The following RASD2 variants were observed in gnomAD, a reference collection of about 807,000 sequenced individuals.
The protein encoded by RASD2 is RASD family member 2.
In RASD2, 7 loss-of-function variants were observed where a neutral mutation model predicts 15.8. The ratio of observed to expected loss-of-function variants is 0.44; its 90% CI spans 0.25 to 0.83. RASD2 has a LOEUF of 0.83. RASD2 is among the 40% of genes least tolerant of loss of function. RASD2 has a pLI of 0.20. For missense variants in RASD2, 274 were observed against 382.8 expected (o/e 0.72, Z 2.37); for synonymous variants, 155 against 153.6 (o/e 1.01, Z -0.07).
chr22:35,543,388 C>A (rs1934403263), intron 1 of RASD2, among the ~76,000 whole-genome samples: 1 of 152,168 alleles, frequency 6.6e-6, no homozygotes, highest in Non-Finnish European at 1.5e-5. Flanking sequence ...TGATTCCCTG[C>A]CTCCTCTCTC....
intron 1 of RASD2, among the ~76,000 whole-genome samples, chr22:35,546,262 G>T (rs903036879): frequency 6.6e-6 from 1 of 152,120 alleles, no homozygotes; most frequent in African/African-American, 2.4e-5. Flanking sequence ...TCCCAGGAGG[G>T]CTGAATGGCC....
At chr22:35,533,124 C>T in the RASD2 span, among the ~76,000 whole-genome samples, 1 of 152,178 alleles carries the variant, frequency 6.6e-6, no homozygotes, top group Non-Finnish European at 1.5e-5. Context: ...GAGAACAGGG[C>T]CTGCCTCTCC....
chr22:35,552,397 GA>G lies in RASD2; in HGVS notation c.*369del. The G allele has an allele frequency of 4.1e-6, 1 of 241,214 alleles. No individual in the cohort carries two copies. Among genetic ancestry groups the G allele is most frequent in the Non-Finnish European group, 8.1e-6 (1 of 124,028 alleles). 14.9% of individuals were successfully genotyped at this position (241,214 alleles called of 1,614,324 possible). A position where few individuals can be genotyped will look rare whatever the true frequency, so the allele number is the denominator to read the frequency against. On this transcript the variant is annotated 3_prime_UTR_variant, in exon 3 of 3. Coordinates refer to ENST00000216127, the MANE Select transcript of RASD2 (RefSeq NM_014310.4). The stretch of plus-strand genomic sequence containing the variant: ...AGCCTCCTGGGACAAGCCTCAGGAT[GA>G]AAAGGACACAGAAGGCCAGATGAGA...
At chr22:35,540,416 G>A (rs1036990011), upstream of RASD2, among the ~76,000 whole-genome samples, 28 of 149,038 alleles carry the variant, frequency 1.9e-4, no homozygotes, top group Admixed American at 9.3e-4. Flanking sequence ...CCGGGCCGCG[G>A]GACCCGCCTC....
At chr22:35,544,093 C>T (rs1318138037) in intron 1 of RASD2, among the ~76,000 whole-genome samples, 3 of 152,212 alleles carry the variant, frequency 2.0e-5, no homozygotes, top group South Asian at 4.1e-4. Context: ...GCTATCAACT[C>T]GTCTGTACCA....
At chr22:35,533,808 AT>A in the RASD2 span, among the ~76,000 whole-genome samples, 1 of 145,008 alleles carries the variant, frequency 6.9e-6, no homozygotes, top group Non-Finnish European at 1.5e-5. Context: ...GACAGTGATG[AT>A]TGTGATGATG....
At chr22:35,549,931 A>G (rs1447159457) in intron 2 of RASD2, among the ~76,000 whole-genome samples, 2 of 152,260 alleles carry the variant, frequency 1.3e-5, no homozygotes, top group African/African-American at 4.8e-5. Context: ...CATCTGTGAG[A>G]CAGGGATCTT....
rs575661889 is a variant in RASD2, at chr22:35,551,415, C to T, written c.272-88C>T. 2 of 1,404,512 alleles carry T rather than the reference C, an allele frequency of 1.4e-6. No homozygotes were observed. Among genetic ancestry groups the T allele is most frequent in the East Asian group, 2.3e-5 (1 of 43,312 alleles). 87.0% of individuals were successfully genotyped at this position (1,404,512 alleles called of 1,614,324 possible). ...ACTGCTTCAGGGCACCTGTGACTCC[C>T]AGCTCTTAGGGCTGATGTTCTGTGG... On this transcript the variant is annotated intron_variant, in intron 2 of 2. Coordinates refer to ENST00000216127, the MANE Select transcript of RASD2 (RefSeq NM_014310.4). The surrounding 1 kb of genome is among the most constrained non-coding windows in gnomAD (Gnocchi z 4.9).
chr22:35,544,499 G>A (rs1934444828), intron 1 of RASD2, among the ~76,000 whole-genome samples: 1 of 152,254 alleles, frequency 6.6e-6, no homozygotes, highest in Non-Finnish European at 1.5e-5. Context: ...CCCAGAGTGG[G>A]GCTTCAGGCA....
At chr22:35,537,472 G>A (rs1934260441), upstream of RASD2, among the ~76,000 whole-genome samples, 1 of 152,232 alleles carries the variant, frequency 6.6e-6, no homozygotes, top group Non-Finnish European at 1.5e-5. Context: ...GGCTACGGAG[G>A]AAGTAATCAT....
In RASD2 at chr22:35,546,992, C is replaced by T. The variant is rs374670361; in HGVS notation, c.183C>T (p.Asn61=). ...AGGACTTCCACCGTAAGGTATACAA[C>T]ATCCGCGGCGACATGTACCAGCTCG... ...TIEDFHRKVY[N]IRGDMYQLDI... is the part of the protein sequence containing the mutation. Residue 61 remains asparagine, a synonymous_variant, in exon 2 of 3, where the codon AAC becomes AAT. Coordinates refer to ENST00000216127, the MANE Select transcript of RASD2 (RefSeq NM_014310.4). 6.2e-7 allele frequency: 1 copy of T among 1,614,178 alleles called. No homozygotes were observed. Among genetic ancestry groups the T allele is most frequent in the African/African-American group, 1.3e-5 (1 of 75,030 alleles).
chr22:35,540,476 G>A (rs1179847277), upstream of RASD2, among the ~76,000 whole-genome samples: 2 of 149,738 alleles, frequency 1.3e-5, no homozygotes, highest in South Asian at 2.1e-4. Context: ...GGGGCGGGGC[G>A]AGCGGGCTCT....
At chr22:35,540,488 G>A (rs527242249), upstream of RASD2, among the ~76,000 whole-genome samples, 1 of 150,256 alleles carries the variant, frequency 6.7e-6, no homozygotes, top group Admixed American at 6.6e-5. Flanking sequence ...GCGGGCTCTG[G>A]GGGGCAGACG....
the RASD2 span, among the ~76,000 whole-genome samples, chr22:35,533,411 CT>C: frequency 2.0e-5 from 3 of 152,146 alleles, no homozygotes; most frequent in South Asian, 6.2e-4. Flanking sequence ...CAATAAACAC[CT>C]AAAAAGGAGC....
chr22:35,539,259 C>T (rs1454755942), upstream of RASD2, among the ~76,000 whole-genome samples: 4 of 152,316 alleles, frequency 2.6e-5, no homozygotes, highest in African/African-American at 4.8e-5. Flanking sequence ...CTTTTCATGA[C>T]GGCCCAGGGT....
In RASD2 at chr22:35,552,147, G is replaced by A. The variant is rs1325649532; in HGVS notation, c.*115G>A. 2.2e-6 allele frequency: 3 copies of A among 1,364,370 alleles called. No homozygotes were observed. The highest frequency in any genetic ancestry group is 2.6e-4 in the Middle Eastern group (1 of 3,798). 84.5% of individuals were successfully genotyped at this position (1,364,370 alleles called of 1,614,324 possible). A position where few individuals can be genotyped will look rare whatever the true frequency, so the allele number is the denominator to read the frequency against. On this transcript the variant is annotated 3_prime_UTR_variant, in exon 3 of 3. Transcript: ENST00000216127. ...CAGCAGTCTTGTTCACAGACCTTAG[G>A]CACCAGACTGGAGGCCCCCGGGCGC...
upstream of RASD2, among the ~76,000 whole-genome samples, chr22:35,538,842 G>T (rs1209567097): frequency 1.3e-5 from 2 of 152,198 alleles, no homozygotes; most frequent in Non-Finnish European, 2.9e-5. Context: ...ACCTCCCACT[G>T]CCAAGTTCAC....
In RASD2 at chr22:35,547,209, A is replaced by C. The variant is rs747859433; in HGVS notation, c.271+129A>C. On this transcript the variant is annotated intron_variant, in intron 2 of 2. Coordinates refer to ENST00000216127, the MANE Select transcript of RASD2 (RefSeq NM_014310.4). ...AGACAGGCGTCATCCCTGCACAATG[A>C]GGCTCAGAGAGGTTTTGCCATGTGC... The C allele has an allele frequency of 8.2e-5, 99 of 1,204,268 alleles. No individual in the cohort carries two copies. In the South Asian group the frequency reaches 1.1e-3, roughly 13 times the overall value. 74.6% of individuals were successfully genotyped at this position (1,204,268 alleles called of 1,614,324 possible). A position where few individuals can be genotyped will look rare whatever the true frequency, so the allele number is the denominator to read the frequency against.
upstream of RASD2, among the ~76,000 whole-genome samples, chr22:35,539,448 A>G (rs1934292243): frequency 6.6e-6 from 1 of 152,224 alleles, no homozygotes; most frequent in Admixed American, 6.5e-5. Context: ...ACTGAGGGAC[A>G]CAGACACAGC....
Sources: allele counts gnomAD v4.1 joint callset (sites outside exome capture counted in the v4.1 genomes callset), GRCh38; gene constraint gnomAD v4.1.1; non-coding constraint Gnocchi (gnomAD v3.1); transcripts MANE v1.5; gene names NCBI Gene and HGNC (gene_info 2026-07-23, HGNC 2026-07-21).